Variants in OSR1 observed in about 807,000 individuals in gnomAD.
OSR1 encodes the protein odd-skipped related transcription factor 1, also known as protein odd-skipped-related 1.
OSR1 carries 3 observed loss-of-function variants against 15.7 expected under a neutral mutation model. The observed-to-expected ratio is 0.19, with a 90% CI of 0.09 to 0.50. The LOEUF (loss-of-function observed/expected upper bound fraction) is 0.50, where lower values mean the gene tolerates loss of function less well. Ranked by LOEUF, OSR1 falls within the 20% of genes least tolerant of loss-of-function variation. The pLI is 0.97. For missense variants in OSR1, 271 were observed against 351.1 expected (o/e 0.77, Z 1.82); for synonymous variants, 166 against 152.7 (o/e 1.09, Z -0.64).
chr2:19,352,737 G>A (rs1351576880), intron 2 of OSR1, among the ~76,000 whole-genome samples: 7 of 152,290 alleles, frequency 4.6e-5, no homozygotes, highest in South Asian at 2.1e-4. Flanking sequence ...CTCGACCTGC[G>A]CTGTCGAAGA....
At chr2:19,345,881 C>G in the OSR1 span, among the ~76,000 whole-genome samples, 1 of 152,196 alleles carries the variant, frequency 6.6e-6, no homozygotes, top group Non-Finnish European at 1.5e-5. Flanking sequence ...ACCAAATGCC[C>G]AAGCAAATTT....
At chr2:19,349,236 C>T (rs760468495), downstream of OSR1, among the ~76,000 whole-genome samples, 1 of 152,172 alleles carries the variant, frequency 6.6e-6, no homozygotes, top group African/African-American at 2.4e-5. Context: ...ATCAACCAAC[C>T]ACATCACCTG....
chr2:19,352,623 C>T (rs1664863187), intron 2 of OSR1, among the ~76,000 whole-genome samples: 1 of 152,038 alleles, frequency 6.6e-6, no homozygotes, highest in South Asian at 2.1e-4. Context: ...ACAGGTTCAG[C>T]CACCTGTTTA....
intron 2 of OSR1, 66 bp from the exon 3 acceptor site, chr2:19,352,476 T>A: frequency 6.3e-7 from 1 of 1,580,324 alleles, no homozygotes; most frequent in Non-Finnish European, 8.6e-7. Context: ...TTGCCCAAGA[T>A]CCCCTCCCAC....
intron 1 of OSR1, 183 bp from the exon 2 acceptor site, chr2:19,354,020 G>A: frequency 1.7e-6 from 1 of 586,292 alleles, no homozygotes; most frequent in Non-Finnish European, 3.0e-6. Context: ...GTAAGACGCA[G>A]GGGAGCCCTC....
At chr2:19,349,021 C>T (rs549531108), downstream of OSR1, among the ~76,000 whole-genome samples, 31 of 152,314 alleles carry the variant, frequency 2.0e-4, no homozygotes, top group African/African-American at 6.7e-4. Context: ...CAACGCTGAG[C>T]GCCACACAGT....
downstream of OSR1, among the ~76,000 whole-genome samples, chr2:19,351,156 C>T (rs988848402): frequency 2.6e-5 from 4 of 152,176 alleles, no homozygotes; most frequent in Admixed American, 6.5e-5. Flanking sequence ...TGTCTCAGCA[C>T]CCAGAGACTC....
chr2:19,353,370 C>T lies in OSR1; in HGVS notation c.436G>A (p.Gly146Arg), dbSNP rs771451659. 3 of 1,614,086 alleles carry T rather than the reference C, an allele frequency of 1.9e-6. No individual in the cohort carries two copies. In the Admixed American group the frequency reaches 5.0e-5, roughly 27 times the overall value. ...GTCACGTCGAGGAGGGCACCCAGCCCACCTGCAGGGGAGCCTGGGCCCTCC... is the reference window on the plus strand; with the variant it reads ...GTCACGTCGAGGAGGGCACCCAGCCTACCTGCAGGGGAGCCTGGGCCCTCC... ...RGEGPGSPAG[G>R]LGALLDVTKL... The change falls in exon 2 of 3, where the codon GGG (glycine) becomes AGG (arginine). Residue 146 changes from glycine (G) to arginine (R), a missense_variant. By Grantham distance (125) the Gly-to-Arg change is moderately radical (BLOSUM62 -2). Transcript: ENST00000272223.
downstream of OSR1, among the ~76,000 whole-genome samples, chr2:19,347,390 AAC>A (rs1664750406): frequency 6.6e-6 from 1 of 152,190 alleles, no homozygotes; most frequent in African/African-American, 2.4e-5. Context: ...ATAGGAAGAA[AAC>A]TGAGGCTAGT....
chr2:19,347,058 C>CG (rs1185823443), downstream of OSR1, among the ~76,000 whole-genome samples: 22 of 152,226 alleles, frequency 1.4e-4, no homozygotes, highest in East Asian at 2.1e-3. Flanking sequence ...GGCTTTTTGC[C>CG]GGGGGTTTCA....
downstream of OSR1, among the ~76,000 whole-genome samples, chr2:19,350,588 C>T (rs1664819041): frequency 6.6e-6 from 1 of 152,178 alleles, no homozygotes; most frequent in South Asian, 2.1e-4. Context: ...GCTGGAGAGG[C>T]CATCCTGCGC....
chr2:19,352,138 G>C lies in OSR1; in HGVS notation c.*137C>G, dbSNP rs1354083709. On this transcript the variant is annotated 3_prime_UTR_variant, in exon 3 of 3. Coordinates refer to ENST00000272223, the MANE Select transcript of OSR1 (RefSeq NM_145260.3). ...GGGCTCTGAAGTGCCGCGTGCGCCA[G>C]GGACCCAGGGGACAATGTTGGAGAG... 1 of 998,578 alleles carries C rather than the reference G, an allele frequency of 1.0e-6. No homozygotes were observed. Among genetic ancestry groups the C allele is most frequent in the Non-Finnish European group, 1.4e-6 (1 of 711,122 alleles). The allele number at this position is 998,578 out of a possible 1,614,324, so 61.9% of individuals were successfully genotyped here. A position where few individuals can be genotyped will look rare whatever the true frequency, so the allele number is the denominator to read the frequency against.
chr2:19,356,141 G>C (rs1664944281), intron 1 of OSR1: 1 of 152,496 alleles, frequency 6.6e-6, no homozygotes, highest in South Asian at 2.1e-4. Flanking sequence ...CCTGCACACT[G>C]TCCCGAACCC....
intron 2 of OSR1, among the ~76,000 whole-genome samples, chr2:19,352,622 G>A (rs1017473947): frequency 6.6e-6 from 1 of 152,074 alleles, no homozygotes; most frequent in Non-Finnish European, 1.5e-5. Flanking sequence ...AACAGGTTCA[G>A]CCACCTGTTT....
In OSR1 at chr2:19,357,161, A is replaced by C. The variant is rs748735684; in HGVS notation, c.-33+1180T>G. Among the ~76,000 whole-genome samples the C allele has an allele frequency of 2.6e-5, 4 of 152,068 alleles. No individual in the cohort carries two copies. The highest frequency in any genetic ancestry group is 4.4e-5 in the Non-Finnish European group (3 of 68,002). ...ATGTCCGCTGCGTCCTCGGTGATCCATTCCCCAATCTTAATAAAACAGCAA... is the reference window on the plus strand; with the variant it reads ...ATGTCCGCTGCGTCCTCGGTGATCCCTTCCCCAATCTTAATAAAACAGCAA... On this transcript the variant is annotated intron_variant, in intron 1 of 2. Coordinates refer to ENST00000272223, the MANE Select transcript of OSR1 (RefSeq NM_145260.3). This position sits in a 1 kb window ranked among gnomAD's most constrained non-coding sequence, Gnocchi z 5.0.
chr2:19,345,105 C>G, the OSR1 span, among the ~76,000 whole-genome samples: 11 of 152,136 alleles, frequency 7.2e-5, no homozygotes, highest in African/African-American at 2.6e-4. Flanking sequence ...AAGAAAATGA[C>G]AGTTCCACCA....
chr2:19,357,459 CCGAGA>C lies in OSR1; in HGVS notation c.-33+877_-33+881del, dbSNP rs1454613272. 2.6e-5 allele frequency among the ~76,000 whole-genome samples: 4 copies of C among 152,234 alleles called. No homozygotes were observed. The highest frequency in any genetic ancestry group is 2.9e-5 in the Non-Finnish European group (2 of 68,044). On this transcript the variant is annotated intron_variant, in intron 1 of 2. Transcript: ENST00000272223. This position sits in a 1 kb window ranked among gnomAD's most constrained non-coding sequence, Gnocchi z 5.0. ...ACTAAACGTGGTTTTTCATTCTTCT[CCGAGA>C]CATTTCCGAGGAGAAATTAGTTCAG...
At chr2:19,353,858 C>T (rs1292352983) in intron 1 of OSR1, 21 bp from the exon 2 acceptor site, 7 of 1,541,630 alleles carry the variant, frequency 4.5e-6, no homozygotes, top group African/African-American at 4.1e-5. Flanking sequence ...AAGAAGAAGG[C>T]AGGGGCGTGG....
the OSR1 span, among the ~76,000 whole-genome samples, chr2:19,346,114 ACTC>A: frequency 6.6e-6 from 1 of 152,080 alleles, no homozygotes; most frequent in Non-Finnish European, 1.5e-5. Flanking sequence ...CATGACAAAA[ACTC>A]CTTATCTTAT....
Sources: allele counts gnomAD v4.1 joint callset (sites outside exome capture counted in the v4.1 genomes callset), GRCh38; gene constraint gnomAD v4.1.1; non-coding constraint Gnocchi (gnomAD v3.1); transcripts MANE v1.5; gene names NCBI Gene and HGNC (gene_info 2026-07-23, HGNC 2026-07-21).